Variants in TMEM72 observed in about 807,000 individuals in gnomAD.
TMEM72 encodes transmembrane protein 72, also known as kidney-specific secretory protein of 37 kDa.
TMEM72 carries 9 observed loss-of-function variants against 16.3 expected under a neutral mutation model. That is an observed-to-expected ratio of 0.55 (90% CI 0.33 to 0.96). The LOEUF (loss-of-function observed/expected upper bound fraction) is 0.96. Among genes scored for constraint, TMEM72 ranks in the 40% least tolerant of loss-of-function variants. The pLI, the probability that TMEM72 is intolerant of heterozygous loss-of-function variation, is 0.03. For synonymous variants in TMEM72, 160 were observed against 146.5 expected, an observed-to-expected ratio of 1.09 and a Z score of -0.66; for missense variants, 324 against 337.8, an observed-to-expected ratio of 0.96 and a Z score of 0.32.
chr10:44,913,921 G>T (rs1480807499), intron 1 of TMEM72, among the ~76,000 whole-genome samples: 4 of 152,204 alleles, frequency 2.6e-5, no homozygotes, highest in Admixed American at 2.0e-4. Context: ...GGGGAGTGTG[G>T]ATTTCTTAAA....
intron 1 of TMEM72, among the ~76,000 whole-genome samples, chr10:44,912,605 C>T (rs1414761713): frequency 6.6e-6 from 1 of 152,342 alleles, no homozygotes; most frequent in East Asian, 1.9e-4. Context: ...CCCCTGACCC[C>T]TCTGAGGCTG....
rs531933424 is a variant in TMEM72 at position 44,935,282 on chromosome 10, G to A, written c.*148G>A. 8.1e-5 allele frequency: 59 copies of A among 724,738 alleles called. 1 individual carries two copies. The highest frequency in any genetic ancestry group is 7.3e-4 in the African/African-American group (41 of 56,018). 44.9% of individuals were successfully genotyped at this position (724,738 alleles called of 1,614,324 possible). A position where few individuals can be genotyped will look rare whatever the true frequency, so the allele number is the denominator to read the frequency against. On this transcript the variant is annotated 3_prime_UTR_variant, in exon 5 of 5. Transcript: ENST00000389583. Reference sequence around the variant, plus strand: ...TGGGCCCCTGAGGCCATCAGGAGGTGTGACTGGCCAGCATTTCTGGAGAGG... The same window carrying A: ...TGGGCCCCTGAGGCCATCAGGAGGTATGACTGGCCAGCATTTCTGGAGAGG...
At chr10:44,926,951 G>C (rs909802831) in intron 1 of TMEM72, among the ~76,000 whole-genome samples, 1 of 152,168 alleles carries the variant, frequency 6.6e-6, no homozygotes, top group African/African-American at 2.4e-5. Flanking sequence ...TGCCAGGGAA[G>C]AGGAAGCACC....
In TMEM72 at chr10:44,935,171, T is replaced by C; in HGVS notation, c.*37T>C. ...AGCCTGGAGGACGCTCAGTGAGGGGTCTACCTAGCTCAATGGCCCTCCCTG... is the reference window on the plus strand; with the variant it reads ...AGCCTGGAGGACGCTCAGTGAGGGGCCTACCTAGCTCAATGGCCCTCCCTG... On this transcript the variant is annotated 3_prime_UTR_variant, in exon 5 of 5. Coordinates refer to ENST00000389583, the MANE Select transcript of TMEM72 (RefSeq NM_001123376.3). The C allele has an allele frequency of 6.6e-7, 1 of 1,515,214 alleles. No homozygotes were observed. The highest frequency in any genetic ancestry group is 8.8e-7 in the Non-Finnish European group (1 of 1,131,094). The allele number at this position is 1,515,214 out of a possible 1,614,324, so 93.9% of individuals were successfully genotyped here. A position where few individuals can be genotyped will look rare whatever the true frequency, so the allele number is the denominator to read the frequency against.
At chr10:44,925,326 C>T (rs1388984881) in intron 1 of TMEM72, among the ~76,000 whole-genome samples, 1 of 152,228 alleles carries the variant, frequency 6.6e-6, no homozygotes, top group Non-Finnish European at 1.5e-5. Flanking sequence ...AGGTGCAGGT[C>T]AGGGAAGAAG....
Position 44,936,968 on chromosome 10 carries a change from A to C in TMEM72, c.*1834A>C, listed in dbSNP as rs574346190. On this transcript the variant is annotated 3_prime_UTR_variant, in exon 5 of 5. Coordinates refer to ENST00000389583, the MANE Select transcript of TMEM72 (RefSeq NM_001123376.3). ...GAAGCAAACCAGAAAGTGTGATGGC[A>C]GAGATGTCAGATCCCGTTTAATAAA... 6.6e-6 allele frequency: 1 copy of C among 152,390 alleles called. No homozygotes were observed. The highest frequency in any genetic ancestry group is 2.1e-4 in the South Asian group (1 of 4,830). 9.4% of individuals were successfully genotyped at this position (152,390 alleles called of 1,614,324 possible).
chr10:44,931,580 T>A (rs1840298043), intron 2 of TMEM72, among the ~76,000 whole-genome samples: 1 of 152,036 alleles, frequency 6.6e-6, no homozygotes, highest in Non-Finnish European at 1.5e-5. Flanking sequence ...ATTGAAGGAA[T>A]GTAATCAACA....
chr10:44,934,234 A>G (rs1840354375), intron 4 of TMEM72, among the ~76,000 whole-genome samples: 1 of 152,002 alleles, frequency 6.6e-6, no homozygotes, highest in Non-Finnish European at 1.5e-5. Flanking sequence ...TCACGGGTGC[A>G]TACCACTGGC....
intron 1 of TMEM72, among the ~76,000 whole-genome samples, chr10:44,914,275 G>A (rs894301432): frequency 6.6e-6 from 1 of 152,226 alleles, no homozygotes; most frequent in Non-Finnish European, 1.5e-5. Context: ...ACAGGCCTCA[G>A]GTAGTTGCAC....
intron 1 of TMEM72, among the ~76,000 whole-genome samples, chr10:44,927,299 G>A (rs1232507607): frequency 6.6e-6 from 1 of 152,180 alleles, no homozygotes. Flanking sequence ...TGGAAAGGCA[G>A]GTCCGAGATG....
chr10:44,933,024 G>C (rs1299246287), intron 3 of TMEM72, among the ~76,000 whole-genome samples: 1 of 152,238 alleles, frequency 6.6e-6, no homozygotes, highest in Non-Finnish European at 1.5e-5. Context: ...AGAGGATGGA[G>C]GCGCTGGGTC....
intron 2 of TMEM72, among the ~76,000 whole-genome samples, chr10:44,929,957 T>C (rs1476101627): frequency 6.6e-6 from 1 of 152,260 alleles, no homozygotes; most frequent in African/African-American, 2.4e-5. Flanking sequence ...TAACTGACCA[T>C]GTCCCTAGCC....
At chr10:44,920,766 C>A (rs1840083411) in intron 1 of TMEM72, among the ~76,000 whole-genome samples, 1 of 152,202 alleles carries the variant, frequency 6.6e-6, no homozygotes, top group South Asian at 2.1e-4. Flanking sequence ...GAGCAGTGGT[C>A]GGCACCATTT....
At chr10:44,922,431 G>A (rs1176452071) in intron 1 of TMEM72, among the ~76,000 whole-genome samples, 1 of 152,196 alleles carries the variant, frequency 6.6e-6, no homozygotes, top group Non-Finnish European at 1.5e-5. Flanking sequence ...CAGGCCCTGT[G>A]TGAAAACACT....
At chr10:44,929,327 T>C (rs1316229079) in intron 2 of TMEM72, among the ~76,000 whole-genome samples, 1 of 152,192 alleles carries the variant, frequency 6.6e-6, no homozygotes, top group African/African-American at 2.4e-5. Flanking sequence ...CCAAATGATA[T>C]AGGAAGGCTG....
chr10:44,924,822 G>A (rs147667184), intron 1 of TMEM72, among the ~76,000 whole-genome samples: 68 of 152,318 alleles, frequency 4.5e-4, no homozygotes, highest in Middle Eastern at 3.4e-3. Context: ...TCCTCCTCCC[G>A]CCAGGTGGCA....
At chr10:44,926,747 T>G (rs919057391) in intron 1 of TMEM72, among the ~76,000 whole-genome samples, 1 of 152,154 alleles carries the variant, frequency 6.6e-6, no homozygotes, top group African/African-American at 2.4e-5. Context: ...TAGATCCAAG[T>G]GCTCTGTCCC....
chr10:44,922,058 T>A (rs977297036), intron 1 of TMEM72, among the ~76,000 whole-genome samples: 75 of 152,324 alleles, frequency 4.9e-4, no homozygotes, highest in Middle Eastern at 6.8e-3. Context: ...GCCTCCCTAA[T>A]TTTGAGCCCT....
chr10:44,930,339 G>T (rs1840276027), intron 2 of TMEM72, among the ~76,000 whole-genome samples: 2 of 152,052 alleles, frequency 1.3e-5, no homozygotes, highest in South Asian at 4.2e-4. Flanking sequence ...CAATTATTTT[G>T]CAAAACACGT....
Sources: gnomAD v4.1 joint callset for allele counts (sites outside exome capture counted in the v4.1 genomes callset) on GRCh38, gnomAD v4.1.1 for gene constraint, MANE v1.5 for transcripts, NCBI Gene and HGNC (gene_info 2026-07-23, HGNC 2026-07-21) for gene names.